PLEKHG5: variants seen among roughly 807,000 people sequenced by gnomAD.
The protein encoded by PLEKHG5 is pleckstrin homology domain-containing family G member 5.
PLEKHG5 carries 52 observed loss-of-function variants against 103.8 expected under a neutral mutation model. That is an observed-to-expected ratio of 0.50 (90% confidence interval 0.40 to 0.63). The LOEUF (loss-of-function observed/expected upper bound fraction) is 0.63. Ranked by LOEUF, PLEKHG5 falls within the 30% of genes least tolerant of loss-of-function variation. PLEKHG5 has a pLI of 0.00. For missense variants in PLEKHG5, 1,205 were observed against 1,347.6 expected, an observed-to-expected ratio of 0.89 and a Z score of 1.66; for synonymous variants, 592 against 575.5, an observed-to-expected ratio of 1.03 and a Z score of -0.41.
upstream of PLEKHG5, among the ~76,000 whole-genome samples, chr1:6,492,817 A>G (rs1453804001): frequency 1.3e-5 from 2 of 151,858 alleles, no homozygotes; most frequent in Non-Finnish European, 2.9e-5. Flanking sequence ...GGGAGGGGCC[A>G]TTTCTCTCCT....
chr1:6,511,615 G>A (rs891195566), intron 1 of PLEKHG5, among the ~76,000 whole-genome samples: 8 of 152,164 alleles, frequency 5.3e-5, no homozygotes, highest in African/African-American at 1.9e-4. Flanking sequence ...AATCCTCAGG[G>A]CCCCCAGGCG....
chr1:6,498,055 T>C (rs1220945883), upstream of PLEKHG5, among the ~76,000 whole-genome samples: 1 of 150,236 alleles, frequency 6.7e-6, no homozygotes, highest in Non-Finnish European at 1.5e-5. Flanking sequence ...CATCGATTCG[T>C]CTGCCCGGTC....
At position 6,485,986 on chromosome 1, in the gene PLEKHG5, C is replaced by CCA. The variant is rs58406886; in HGVS notation, c.-88+5650_-88+5651insTG. ...AGGGGGCGCTGGTGACACCCCCCCC[C>CCA]ACCTTGGAGACTGTGGAGCCCCTCC... On this transcript the variant is annotated intron_variant, in intron 1 of 20. Coordinates refer to ENST00000377728, the MANE Select transcript of PLEKHG5 (RefSeq NM_020631.6). 5 of 795,544 alleles carry CCA rather than the reference C, an allele frequency of 6.3e-6. No individual in the cohort carries two copies. In the African/African-American group the frequency reaches 9.4e-5, roughly 15 times the overall value. 49.3% of individuals were successfully genotyped at this position (795,544 alleles called of 1,614,324 possible). A position where few individuals can be genotyped will look rare whatever the true frequency, so the allele number is the denominator to read the frequency against.
chr1:6,485,513 T>A, intron 1 of PLEKHG5: 1 of 1,228,664 alleles, frequency 8.1e-7, no homozygotes, highest in Non-Finnish European at 1.0e-6. Context: ...CCTGCCATTG[T>A]GCGGCCGCGC....
At chr1:6,511,115 A>C (rs905839198) in intron 1 of PLEKHG5, among the ~76,000 whole-genome samples, 2 of 152,048 alleles carry the variant, frequency 1.3e-5, no homozygotes, top group Admixed American at 6.5e-5. Flanking sequence ...AACAATTCTG[A>C]AGGCCAGATG....
At chr1:6,473,981 C>T in intron 7 of PLEKHG5, 32 bp downstream of exon 7, 2 of 1,347,478 alleles carry the variant, frequency 1.5e-6, no homozygotes, top group African/African-American at 1.4e-5. Flanking sequence ...CCCCTTCCCA[C>T]CCCCTCCCCT....
At chr1:6,511,409 T>A (rs1371824196) in intron 1 of PLEKHG5, among the ~76,000 whole-genome samples, 2 of 152,094 alleles carry the variant, frequency 1.3e-5, no homozygotes, top group Non-Finnish European at 2.9e-5. Flanking sequence ...ATGGAGACAA[T>A]CCTAAGCCCC....
chr1:6,471,492 T>C lies in PLEKHG5; in HGVS notation c.1277A>G (p.Lys426Arg). The C allele has an allele frequency of 6.2e-7, 1 of 1,610,484 alleles. No homozygotes were observed. Among genetic ancestry groups the C allele is most frequent in the South Asian group, 1.1e-5 (1 of 90,846 alleles). The change falls in exon 12 of 21, where the codon AAG becomes AGG. Residue 426 changes from lysine to arginine, a missense_variant. Coordinates refer to ENST00000377728, the MANE Select transcript of PLEKHG5 (RefSeq NM_020631.6). ...LQPGDFLKGFKMFGSLFKPYI... is the reference protein window; with the variant it reads ...LQPGDFLKGFRMFGSLFKPYI... ...TGCGCCCGGCCCCGCCCGTACCATC[T>C]TGAAGCCTTTGAGGAAGTCCCCGGG...
At chr1:6,473,598 C>T in intron 7 of PLEKHG5, 144 bp from the exon 8 acceptor site, 1 of 649,340 alleles carries the variant, frequency 1.5e-6, no homozygotes, top group Non-Finnish European at 2.6e-6. Flanking sequence ...TCTCCTGGGA[C>T]CCAGACATAT....
chr1:6,471,874 CCT>C (rs1644603335), intron 10 of PLEKHG5, 66 bp from the exon 11 acceptor site: 1 of 1,467,732 alleles, frequency 6.8e-7, no homozygotes. Context: ...CCCCACCCAG[CCT>C]CAGGCTCCCC....
chr1:6,505,742 C>T lies in PLEKHG5; in HGVS notation c.-164-9173G>A, dbSNP rs1638299126. Among the ~76,000 whole-genome samples, 1 of 152,254 alleles carries T rather than the reference C, an allele frequency of 6.6e-6. No homozygotes were observed. The highest frequency in any genetic ancestry group is 2.1e-4 in the South Asian group (1 of 4,834). ...GGCGGGGTGAGAGCAGAGGCAGAGG[C>T]CAGGCCTGAAGCCCAGTGCAGGGCC... is the stretch of plus-strand genomic sequence containing the variant. On this transcript the variant is annotated intron_variant, in intron 1 of 21. Transcript: ENST00000377740. This position sits in a 1 kb window ranked among gnomAD's most constrained non-coding sequence, Gnocchi z 4.2.
At chr1:6,492,764 C>A (rs893945636), upstream of PLEKHG5, among the ~76,000 whole-genome samples, 10 of 152,132 alleles carry the variant, frequency 6.6e-5, no homozygotes, top group Non-Finnish European at 1.0e-4. Context: ...AGGTTTGATC[C>A]TGGAGCTCAG....
chr1:6,512,447 G>A (rs527972200), intron 1 of PLEKHG5, among the ~76,000 whole-genome samples: 4 of 152,310 alleles, frequency 2.6e-5, no homozygotes, highest in South Asian at 2.1e-4. Flanking sequence ...GCCCCTCCCC[G>A]GGCTACCGAG....
intron 12 of PLEKHG5, 109 bp from the exon 13 acceptor site, chr1:6,471,209 C>A: frequency 1.1e-6 from 1 of 923,126 alleles, no homozygotes; most frequent in Non-Finnish European, 1.7e-6. Context: ...GCGACCACCC[C>A]AAGGGGGCAG....
intron 1 of PLEKHG5, among the ~76,000 whole-genome samples, chr1:6,518,464 G>C (rs1427073244): frequency 6.6e-6 from 1 of 150,870 alleles, no homozygotes; most frequent in Non-Finnish European, 1.5e-5. Flanking sequence ...GGAGGCTGAG[G>C]CAGGAGAATC....
chr1:6,506,300 T>C (rs2148633948), intron 1 of PLEKHG5: 1 of 152,516 alleles, frequency 6.6e-6, no homozygotes, highest in East Asian at 1.9e-4. Flanking sequence ...CTCCCTCCTC[T>C]GGAAGGGGAG....
rs1644721652 is a variant in PLEKHG5, at chr1:6,475,152, G to A, written c.211-14C>T. On this transcript the variant is annotated splice_polypyrimidine_tract_variant and intron_variant, in intron 4 of 20. Coordinates refer to ENST00000377728, the MANE Select transcript of PLEKHG5 (RefSeq NM_020631.6). ...CTTGCTTGGGTCCTGGGAGGATGGT[G>A]GGGGTGGGGGCTGTGAGCTTCTCCT... 1 of 1,476,428 alleles carries A rather than the reference G, an allele frequency of 6.8e-7. No homozygotes were observed. Among genetic ancestry groups the A allele is most frequent in the Non-Finnish European group, 9.5e-7 (1 of 1,055,470 alleles). 91.5% of individuals were successfully genotyped at this position (1,476,428 alleles called of 1,614,324 possible). A position where few individuals can be genotyped will look rare whatever the true frequency, so the allele number is the denominator to read the frequency against.
intron 1 of PLEKHG5, among the ~76,000 whole-genome samples, chr1:6,481,945 G>A (rs1644913554): frequency 6.7e-6 from 1 of 149,690 alleles, no homozygotes. Flanking sequence ...TAGGGTTAAG[G>A]CCACCCCATT....
At chr1:6,512,529 C>A (rs1178491881) in intron 1 of PLEKHG5, among the ~76,000 whole-genome samples, 1 of 152,342 alleles carries the variant, frequency 6.6e-6, no homozygotes, top group African/African-American at 2.4e-5. Context: ...GTGGGAGGCC[C>A]AGTCACTGCC....
Sources: gnomAD v4.1 joint callset for allele counts (sites outside exome capture counted in the v4.1 genomes callset) on GRCh38, gnomAD v4.1.1 for gene constraint, Gnocchi (gnomAD v3.1) non-coding constraint, MANE v1.5 for transcripts, NCBI Gene and HGNC (gene_info 2026-07-23, HGNC 2026-07-21) for gene names.